Variants in FRMD3 observed in about 807,000 individuals in gnomAD.
The protein encoded by FRMD3 is FERM domain containing 3, also known as FERM domain-containing protein 3.
Under a neutral mutation model 70.2 loss-of-function variants are expected in FRMD3, and 33 were observed. The observed-to-expected ratio is 0.47, with a 90% CI of 0.36 to 0.63. The LOEUF is 0.63. FRMD3 is among the 20% of genes least tolerant of loss of function. FRMD3 has a pLI of 0.00. For missense variants in FRMD3, 632 were observed against 711.4 expected, an observed-to-expected ratio of 0.89 and a Z score of 1.27; for synonymous variants, 279 against 255.9, an observed-to-expected ratio of 1.09 and a Z score of -0.86.
chr9:83,558,202 C>T, the FRMD3 span, among the ~76,000 whole-genome samples: 1 of 152,160 alleles, frequency 6.6e-6, no homozygotes, highest in South Asian at 2.1e-4. Context: ...TTTTGTGCAT[C>T]TGCATTTAAA....
the FRMD3 span, among the ~76,000 whole-genome samples, chr9:83,543,850 G>A: frequency 6.6e-6 from 1 of 152,212 alleles, no homozygotes; most frequent in African/African-American, 2.4e-5. Context: ...GAAGAGTGTG[G>A]TTCTGCCATA....
chr9:83,342,628 A>G (rs1823800033), intron 5 of FRMD3, among the ~76,000 whole-genome samples: 1 of 152,140 alleles, frequency 6.6e-6, no homozygotes, highest in Non-Finnish European at 1.5e-5. Context: ...CATGATAGAC[A>G]TGTACGTATG....
chr9:83,319,484 T>C (rs1290610413), intron 6 of FRMD3, among the ~76,000 whole-genome samples: 1 of 152,184 alleles, frequency 6.6e-6, no homozygotes, highest in Non-Finnish European at 1.5e-5. Context: ...TGCAGTGGCA[T>C]GATCTTGGCT....
At chr9:83,483,403 G>T (rs367932214) in intron 1 of FRMD3, among the ~76,000 whole-genome samples, 103 of 152,232 alleles carry the variant, frequency 6.8e-4, no homozygotes, top group African/African-American at 2.3e-3. Flanking sequence ...CTTTATAGCA[G>T]TGTGAGAATG....
chr9:83,413,351 T>C (rs936550219), intron 1 of FRMD3, among the ~76,000 whole-genome samples: 1 of 152,204 alleles, frequency 6.6e-6, no homozygotes, highest in Non-Finnish European at 1.5e-5. Flanking sequence ...GAAGGTCCTG[T>C]CAGTGGGGCA....
At chr9:83,465,083 T>A (rs1024810623) in intron 1 of FRMD3, among the ~76,000 whole-genome samples, 1 of 151,372 alleles carries the variant, frequency 6.6e-6, no homozygotes, top group African/African-American at 2.4e-5. Context: ...GAGATGGAAC[T>A]AGCAGCTCCT....
At chr9:83,340,931 A>C (rs927109131) in intron 5 of FRMD3, among the ~76,000 whole-genome samples, 1 of 152,226 alleles carries the variant, frequency 6.6e-6, no homozygotes, top group Non-Finnish European at 1.5e-5. Context: ...GAATATACTG[A>C]AGCTTAAAAC....
chr9:83,551,146 T>A, the FRMD3 span, among the ~76,000 whole-genome samples: 1 of 152,152 alleles, frequency 6.6e-6, no homozygotes, highest in African/African-American at 2.4e-5. Flanking sequence ...CTGGGGTATG[T>A]TCTTTCAATA....
At chr9:83,287,899 G>C (rs532112167) in intron 13 of FRMD3, among the ~76,000 whole-genome samples, 58 of 152,358 alleles carry the variant, frequency 3.8e-4, no homozygotes, top group African/African-American at 1.3e-3. Flanking sequence ...CCAGAAGAGA[G>C]AGCATCTTCA....
chr9:83,395,815 A>C (rs1197679134), intron 1 of FRMD3, among the ~76,000 whole-genome samples: 2 of 152,144 alleles, frequency 1.3e-5, no homozygotes, highest in African/African-American at 4.8e-5. Flanking sequence ...CAATTCCTAA[A>C]ACTCCAAGCG....
intron 1 of FRMD3, among the ~76,000 whole-genome samples, chr9:83,524,324 G>A (rs1382925071): frequency 2.0e-5 from 3 of 152,162 alleles, no homozygotes; most frequent in African/African-American, 7.2e-5. Flanking sequence ...AAAAGGAAAG[G>A]GGAGGTAGTT....
intron 12 of FRMD3, among the ~76,000 whole-genome samples, chr9:83,294,071 T>G (rs1389585445): frequency 2.0e-5 from 3 of 152,224 alleles, no homozygotes; most frequent in African/African-American, 7.2e-5. Flanking sequence ...TTAAAATTCA[T>G]TTGTTGAAAC....
the FRMD3 span, among the ~76,000 whole-genome samples, chr9:83,582,261 T>C: frequency 6.6e-6 from 1 of 152,152 alleles, no homozygotes; most frequent in South Asian, 2.1e-4. Context: ...TAATCAAGTC[T>C]TGAGAAATAC....
intron 1 of FRMD3, among the ~76,000 whole-genome samples, chr9:83,509,249 G>C (rs1329059856): frequency 6.6e-6 from 1 of 152,070 alleles, no homozygotes. Context: ...TGTTATACCA[G>C]GTGCTACACT....
chr9:83,499,451 C>A (rs552177183), intron 1 of FRMD3, among the ~76,000 whole-genome samples: 3 of 152,260 alleles, frequency 2.0e-5, no homozygotes, highest in African/African-American at 7.2e-5. Flanking sequence ...TTTTCTGAAA[C>A]GTGTGGGACC....
At chr9:83,367,266 G>A (rs564432847) in intron 3 of FRMD3, among the ~76,000 whole-genome samples, 3 of 152,048 alleles carry the variant, frequency 2.0e-5, no homozygotes, top group Non-Finnish European at 4.4e-5. Context: ...AAATGAGAAG[G>A]GTATTCCCTC....
At chr9:83,515,499 G>T (rs987393502) in intron 1 of FRMD3, among the ~76,000 whole-genome samples, 4 of 152,220 alleles carry the variant, frequency 2.6e-5, no homozygotes. Flanking sequence ...TTTGATTGAT[G>T]TAACTGAAAG....
chr9:83,499,885 T>C (rs1475094085), intron 1 of FRMD3, among the ~76,000 whole-genome samples: 2 of 152,164 alleles, frequency 1.3e-5, no homozygotes, highest in African/African-American at 4.8e-5. Flanking sequence ...ACACAAACTG[T>C]GGTACATCCA....
At chr9:83,278,297 G>A (rs1282888317) in intron 13 of FRMD3, among the ~76,000 whole-genome samples, 1 of 152,126 alleles carries the variant, frequency 6.6e-6, no homozygotes, top group Non-Finnish European at 1.5e-5. Context: ...TAGGCCAGAG[G>A]AAGGAGCTGA....
Sources: allele counts gnomAD v4.1 joint callset (sites outside exome capture counted in the v4.1 genomes callset), GRCh38; gene constraint gnomAD v4.1.1; transcripts MANE v1.5; gene names NCBI Gene and HGNC (gene_info 2026-07-23, HGNC 2026-07-21).